RBFOX1: variants seen among roughly 807,000 people sequenced by gnomAD.
The protein encoded by RBFOX1 is RNA binding protein fox-1 homolog 1.
Under a neutral mutation model 57.7 loss-of-function variants are expected in RBFOX1, and 8 were observed. The ratio of observed to expected loss-of-function variants is 0.14; its 90% CI spans 0.08 to 0.25. RBFOX1 has a LOEUF of 0.25. Ranked by LOEUF, RBFOX1 falls within the 10% of genes least tolerant of loss-of-function variation. The pLI is 1.00. For synonymous variants in RBFOX1, 326 were observed against 222.4 expected, an observed-to-expected ratio of 1.47 and a Z score of -4.15; for missense variants, 611 against 548.5, an observed-to-expected ratio of 1.11 and a Z score of -1.14.
intron 4 of RBFOX1, among the ~76,000 whole-genome samples, chr16:5,932,428 G>T (rs1003010621): frequency 6.6e-6 from 1 of 152,164 alleles, no homozygotes; most frequent in Non-Finnish European, 1.5e-5. Context: ...AGCACCTCCA[G>T]ATGAAAATTC....
intron 1 of RBFOX1, among the ~76,000 whole-genome samples, chr16:6,200,945 G>GT (rs58118698): frequency 2.9e-5 from 4 of 135,614 alleles, no homozygotes; most frequent in African/African-American, 1.0e-4. Flanking sequence ...ACTTAGTGAG[G>GT]TTTTTTTTTT....
At chr16:7,707,928 G>T (rs192393393) in intron 14 of RBFOX1, among the ~76,000 whole-genome samples, 1 of 152,108 alleles carries the variant, frequency 6.6e-6, no homozygotes, top group African/African-American at 2.4e-5. Context: ...AAGGAAGGAC[G>T]TCAGCTTCAG....
At chr16:6,947,158 A>G (rs538516962) in intron 3 of RBFOX1, among the ~76,000 whole-genome samples, 12 of 152,300 alleles carry the variant, frequency 7.9e-5, no homozygotes, top group Middle Eastern at 3.4e-3. Context: ...TCAAGGTCCA[A>G]TAAATCACTG....
At chr16:6,894,948 A>G (rs1783234941) in intron 3 of RBFOX1, among the ~76,000 whole-genome samples, 1 of 152,170 alleles carries the variant, frequency 6.6e-6, no homozygotes, top group African/African-American at 2.4e-5. Context: ...TTTTCTATCT[A>G]GAATTTGCAA....
intron 3 of RBFOX1, among the ~76,000 whole-genome samples, chr16:5,797,131 A>T (rs1028345445): frequency 6.6e-6 from 1 of 152,234 alleles, no homozygotes; most frequent in Non-Finnish European, 1.5e-5. Flanking sequence ...GAGGGACTCT[A>T]CAGTGGTGAC....
chr16:7,524,052 G>A (rs3785267), intron 5 of RBFOX1, among the ~76,000 whole-genome samples: 23,758 of 152,080 alleles, frequency 0.16, 2,388 homozygotes, highest in East Asian at 0.34. Flanking sequence ...ATTCCCCATA[G>A]GATAGTGCTG....
At chr16:6,076,143 A>G (rs182698304) in intron 1 of RBFOX1, among the ~76,000 whole-genome samples, 92 of 152,196 alleles carry the variant, frequency 6.0e-4, no homozygotes, top group African/African-American at 2.1e-3. Flanking sequence ...TAATAAAAAT[A>G]CAAAATTAGC....
At chr16:6,141,288 A>G (rs1306407669) in intron 1 of RBFOX1, among the ~76,000 whole-genome samples, 1 of 152,206 alleles carries the variant, frequency 6.6e-6, no homozygotes, top group African/African-American at 2.4e-5. Context: ...TATGAGATAA[A>G]AATGAGGGTT....
chr16:7,445,506 T>C lies in RBFOX1; in HGVS notation c.28-72641T>C, dbSNP rs185882599. On this transcript the variant is annotated intron_variant, in intron 4 of 15. Coordinates refer to ENST00000550418, the MANE Select transcript of RBFOX1 (RefSeq NM_018723.4). Reference sequence around the variant, plus strand: ...AATGAACTTCTCAAAATGCACTTGATACAGCATCAAATAGGAGTGACAGGT... The same window carrying C: ...AATGAACTTCTCAAAATGCACTTGACACAGCATCAAATAGGAGTGACAGGT... Among the ~76,000 whole-genome samples the C allele has an allele frequency of 9.3e-4, 141 of 152,332 alleles. 1 individual carries two copies. The highest frequency in any genetic ancestry group is 3.1e-3 in the African/African-American group (128 of 41,590).
chr16:6,379,698 A>C (rs957912157), intron 2 of RBFOX1, among the ~76,000 whole-genome samples: 1 of 150,262 alleles, frequency 6.7e-6, no homozygotes, highest in African/African-American at 2.4e-5. Flanking sequence ...AAAAAAAAAA[A>C]GTCTTGATGA....
intron 4 of RBFOX1, among the ~76,000 whole-genome samples, chr16:7,187,975 C>T (rs1261178382): frequency 1.3e-5 from 2 of 152,178 alleles, no homozygotes; most frequent in East Asian, 1.9e-4. Context: ...GAGAACAAAT[C>T]TCGAGAATGT....
chr16:7,700,835 T>C (rs952124514), intron 14 of RBFOX1, among the ~76,000 whole-genome samples: 1 of 151,830 alleles, frequency 6.6e-6, no homozygotes, highest in Admixed American at 6.6e-5. Flanking sequence ...GTTTTCAGAA[T>C]AGGAAGAGGT....
At chr16:6,051,575 T>C (rs7193210) in intron 1 of RBFOX1, among the ~76,000 whole-genome samples, 134,148 of 152,112 alleles carry the variant, frequency 0.88, 59,240 homozygotes, top group Admixed American at 0.92. Context: ...GTGATCTAGG[T>C]CTCCCAAAGT....
chr16:7,606,179 T>A lies in RBFOX1; in HGVS notation c.623-1106T>A, dbSNP rs575275201. On this transcript the variant is annotated intron_variant, in intron 9 of 15. Coordinates refer to ENST00000550418, the MANE Select transcript of RBFOX1 (RefSeq NM_018723.4). ...CACTGTCACCTGGGCTGGAGTGCAATGGCGTGATCTCAGCTCACTGCAACC... is the reference window on the plus strand; with the variant it reads ...CACTGTCACCTGGGCTGGAGTGCAAAGGCGTGATCTCAGCTCACTGCAACC... Among the ~76,000 whole-genome samples the A allele has an allele frequency of 2.7e-5, 4 of 145,558 alleles. No individual in the cohort carries two copies. The South Asian group carries it at 6.5e-4, about 24-fold the overall frequency.
At chr16:6,926,789 G>A (rs2075669471) in intron 3 of RBFOX1, among the ~76,000 whole-genome samples, 1 of 152,144 alleles carries the variant, frequency 6.6e-6, no homozygotes, top group Non-Finnish European at 1.5e-5. Flanking sequence ...GGTCTCTTGA[G>A]TTCTTAAAAT....
rs147764720 is a variant in RBFOX1 at position 5,828,465 on chromosome 16, C to T, written c.319-38838C>T. Among the ~76,000 whole-genome samples the T allele has an allele frequency of 5.4e-3, 815 of 152,102 alleles. 3 individuals carry two copies. The highest frequency in any genetic ancestry group is 8.2e-3 in the Non-Finnish European group (559 of 67,988). ...CTGTAATTCCAGCACTTTGGGAGGC[C>T]GAGGTGGGCGGATCGCGAGGTCAAT... is the stretch of plus-strand genomic sequence containing the variant. On this transcript the variant is annotated intron_variant, in intron 3 of 19. Coordinates refer to the RBFOX1 transcript ENST00000641259.
At chr16:7,056,340 G>A (rs1170987922) in intron 4 of RBFOX1, among the ~76,000 whole-genome samples, 1 of 152,170 alleles carries the variant, frequency 6.6e-6, no homozygotes, top group Non-Finnish European at 1.5e-5. Context: ...AGAGTAGACT[G>A]AGTGTTCTTC....
At chr16:7,207,588 C>T (rs900591146) in intron 4 of RBFOX1, among the ~76,000 whole-genome samples, 2 of 152,280 alleles carry the variant, frequency 1.3e-5, no homozygotes, top group South Asian at 4.1e-4. Flanking sequence ...AAAATAATGA[C>T]ATGGAAACTA....
intron 3 of RBFOX1, among the ~76,000 whole-genome samples, chr16:5,835,418 T>G (rs1326844058): frequency 6.6e-6 from 1 of 152,198 alleles, no homozygotes; most frequent in Non-Finnish European, 1.5e-5. Flanking sequence ...TTGGGGAGGC[T>G]TGGGAAAGCT....
Sources: gnomAD v4.1 joint callset for allele counts (sites outside exome capture counted in the v4.1 genomes callset) on GRCh38, gnomAD v4.1.1 for gene constraint, MANE v1.5 for transcripts, NCBI Gene and HGNC (gene_info 2026-07-23, HGNC 2026-07-21) for gene names.